Variants in LINGO2 observed in about 807,000 individuals in gnomAD.
LINGO2 encodes leucine rich repeat and Ig domain containing 2.
A neutral mutation model predicts 30.6 loss-of-function variants in LINGO2; 14 were observed. The observed-to-expected ratio is 0.46, with a 90% CI of 0.30 to 0.72. The LOEUF is 0.72. LINGO2 is among the 30% of genes least tolerant of loss of function. The pLI, the probability that LINGO2 is intolerant of heterozygous loss-of-function variation, is 0.07. For synonymous variants in LINGO2, 317 were observed against 288.5 expected, an observed-to-expected ratio of 1.10 and a Z score of -1.00; for missense variants, 729 against 751.7, an observed-to-expected ratio of 0.97 and a Z score of 0.35.
intron 4 of LINGO2, among the ~76,000 whole-genome samples, chr9:28,094,671 G>C (rs934560308): frequency 1.3e-5 from 2 of 151,964 alleles, no homozygotes; most frequent in Admixed American, 6.6e-5. Context: ...TTTCCATTGA[G>C]CAAATACTAG....
intron 3 of LINGO2, among the ~76,000 whole-genome samples, chr9:28,344,984 C>T (rs969540896): frequency 6.6e-6 from 1 of 151,866 alleles, no homozygotes; most frequent in African/African-American, 2.4e-5. Flanking sequence ...GGATACTGTA[C>T]AAAATATTAG....
At chr9:29,073,722 T>C in the LINGO2 span, among the ~76,000 whole-genome samples, 1 of 152,184 alleles carries the variant, frequency 6.6e-6, no homozygotes, top group African/African-American at 2.4e-5. Flanking sequence ...ATTCCAACTC[T>C]TAGTTTAAAA....
intron 4 of LINGO2, among the ~76,000 whole-genome samples, chr9:28,185,116 T>C (rs1819497192): frequency 6.6e-6 from 1 of 152,172 alleles, no homozygotes; most frequent in African/African-American, 2.4e-5. Flanking sequence ...CAAAATAGTG[T>C]CTTCAGAACA....
At chr9:28,307,180 A>G (rs1385354020) in intron 3 of LINGO2, among the ~76,000 whole-genome samples, 1 of 152,228 alleles carries the variant, frequency 6.6e-6, no homozygotes. Flanking sequence ...AAAATCCTCA[A>G]TAAAATACTG....
At chr9:28,824,362 T>C in the LINGO2 span, among the ~76,000 whole-genome samples, 1 of 152,150 alleles carries the variant, frequency 6.6e-6, no homozygotes. Flanking sequence ...AGTAGGCACA[T>C]GATTAGGGCA....
chr9:28,120,807 G>T (rs188508243), intron 4 of LINGO2, among the ~76,000 whole-genome samples: 3 of 152,128 alleles, frequency 2.0e-5, no homozygotes, highest in African/African-American at 7.2e-5. Flanking sequence ...CAGTTTACAA[G>T]GTTCTCCTTG....
At chr9:28,455,031 C>T (rs909498253) in intron 2 of LINGO2, among the ~76,000 whole-genome samples, 1 of 151,952 alleles carries the variant, frequency 6.6e-6, no homozygotes, top group Non-Finnish European at 1.5e-5. Context: ...TTATTCTTAT[C>T]AATATTTCTA....
Position 28,018,821 on chromosome 9 carries a change from C to T in LINGO2, c.-86-6416G>A, listed in dbSNP as rs142744120. Among the ~76,000 whole-genome samples the T allele has an allele frequency of 3.5e-3, 532 of 152,128 alleles. 4 individuals carry two copies. The highest frequency in any genetic ancestry group is 0.012 in the African/African-American group (514 of 41,498). On this transcript the variant is annotated intron_variant, in intron 4 of 5. Coordinates refer to ENST00000379992, the Ensembl canonical transcript of LINGO2. Reference sequence around the variant, plus strand: ...GCTTAAAACAGAATTACCATTTGACCCAGCAACCCATTATTGGGTATATAC... The same window carrying T: ...GCTTAAAACAGAATTACCATTTGACTCAGCAACCCATTATTGGGTATATAC...
At chr9:28,047,026 G>GC (rs1824452910) in intron 4 of LINGO2, among the ~76,000 whole-genome samples, 1 of 152,064 alleles carries the variant, frequency 6.6e-6, no homozygotes, top group African/African-American at 2.4e-5. Context: ...TCCCCTAGCA[G>GC]CCCCTAAGTA....
chr9:28,330,705 G>T (rs959049726), intron 3 of LINGO2, among the ~76,000 whole-genome samples: 2 of 152,112 alleles, frequency 1.3e-5, no homozygotes, highest in Non-Finnish European at 2.9e-5. Flanking sequence ...TGGTGGGCAG[G>T]TCTAAAGCTG....
At chr9:28,469,515 T>G (rs1290322564) in intron 2 of LINGO2, among the ~76,000 whole-genome samples, 1 of 151,952 alleles carries the variant, frequency 6.6e-6, no homozygotes, top group African/African-American at 2.4e-5. Context: ...AGAAGAGACA[T>G]TACAATCAAA....
intron 1 of LINGO2, among the ~76,000 whole-genome samples, chr9:28,623,862 A>T (rs935869891): frequency 6.6e-6 from 1 of 151,946 alleles, no homozygotes; most frequent in African/African-American, 2.4e-5. Context: ...TATCCTCTTC[A>T]ATTTCTTTCA....
the LINGO2 span, among the ~76,000 whole-genome samples, chr9:29,173,315 T>C: frequency 6.6e-6 from 1 of 152,116 alleles, no homozygotes; most frequent in Non-Finnish European, 1.5e-5. Context: ...TCCAACCCTG[T>C]ATGCTTCATT....
chr9:29,056,645 G>A, the LINGO2 span, among the ~76,000 whole-genome samples: 7 of 152,014 alleles, frequency 4.6e-5, no homozygotes, highest in Non-Finnish European at 8.8e-5. Context: ...TTGGGTTCTT[G>A]GTCATGAAGT....
rs575058910 is a variant in LINGO2, at chr9:28,613,310, G to A, written c.-365+56890C>T. Among the ~76,000 whole-genome samples, 49 of 151,824 alleles carry A rather than the reference G, an allele frequency of 3.2e-4. 1 individual carries two copies. In the South Asian group the frequency reaches 5.0e-3, roughly 15 times the overall value. ...TTGATGTATTAGTATACATAAATAC[G>A]TATCACAAATGACTATACATATGTA... On this transcript the variant is annotated intron_variant, in intron 1 of 5. Coordinates refer to ENST00000379992, the Ensembl canonical transcript of LINGO2.
chr9:28,112,069 C>A (rs1261175452), intron 4 of LINGO2, among the ~76,000 whole-genome samples: 2 of 103,852 alleles, frequency 1.9e-5, no homozygotes, highest in Admixed American at 1.0e-4. Flanking sequence ...CTCCCCCGAC[C>A]CCACCACAGT....
At chr9:29,144,010 A>G in the LINGO2 span, among the ~76,000 whole-genome samples, 1 of 152,180 alleles carries the variant, frequency 6.6e-6, no homozygotes, top group Non-Finnish European at 1.5e-5. Context: ...TCCCAGCACC[A>G]TTTATTAAAT....
At chr9:28,026,751 A>G (rs73441759) in intron 4 of LINGO2, among the ~76,000 whole-genome samples, 81 of 152,270 alleles carry the variant, frequency 5.3e-4, no homozygotes, top group African/African-American at 1.9e-3. Flanking sequence ...GTAACCTCAC[A>G]TTTGAACTAC....
chr9:29,014,446 G>A, the LINGO2 span, among the ~76,000 whole-genome samples: 4 of 152,026 alleles, frequency 2.6e-5, no homozygotes, highest in African/African-American at 9.7e-5. Flanking sequence ...TGATACCAAT[G>A]GAGCTTTATA....
Sources: allele counts gnomAD v4.1 joint callset (sites outside exome capture counted in the v4.1 genomes callset), GRCh38; gene constraint gnomAD v4.1.1; transcripts MANE v1.5; gene names NCBI Gene and HGNC (gene_info 2026-07-23, HGNC 2026-07-21).